ITPKC: variants seen among roughly 807,000 people sequenced by gnomAD.
The protein encoded by ITPKC is inositol-trisphosphate 3-kinase C.
ITPKC carries 33 observed loss-of-function variants against 67.1 expected under a neutral mutation model. That is an observed-to-expected ratio of 0.49 (90% CI 0.37 to 0.66). The LOEUF is 0.66. Among genes scored for constraint, ITPKC ranks in the 30% least tolerant of loss-of-function variants. The pLI is 0.00. For synonymous variants in ITPKC, 341 were observed against 359.8 expected, an observed-to-expected ratio of 0.95 and a Z score of 0.59; for missense variants, 820 against 892.1, an observed-to-expected ratio of 0.92 and a Z score of 1.03.
chr19:40,737,783 C>T lies in ITPKC; in HGVS notation c.1848+14C>T, dbSNP rs2082301549. ...AAGACCCACGAGGTGCGAGCCCTGG[C>T]TTCCATGGGTGGATGTATGGGTGTC... is the stretch of plus-strand genomic sequence containing the variant. On this transcript the variant is annotated intron_variant, in intron 6 of 6. Coordinates refer to ENST00000263370, the MANE Select transcript of ITPKC (RefSeq NM_025194.3). 3 of 1,610,462 alleles carry T rather than the reference C, an allele frequency of 1.9e-6. No individual in the cohort carries two copies. The highest frequency in any genetic ancestry group is 1.3e-5 in the African/African-American group (1 of 74,976).
intron 1 of ITPKC, among the ~76,000 whole-genome samples, chr19:40,724,220 A>ATCTT (rs2082235541): frequency 6.6e-6 from 1 of 152,124 alleles, no homozygotes; most frequent in Non-Finnish European, 1.5e-5. Context: ...CAGCCTGGGC[A>ATCTT]ACATAGCAAG....
rs2082320601 is a variant in ITPKC, at chr19:40,740,438, G to T, written c.*878G>T. Reference sequence around the variant, plus strand: ...AAAGTGGGCCTCCCCTTGCAACTCAGAGCTGCTGCACTCAGGAGGGCCCCA... The same window carrying T: ...AAAGTGGGCCTCCCCTTGCAACTCATAGCTGCTGCACTCAGGAGGGCCCCA... On this transcript the variant is annotated 3_prime_UTR_variant, in exon 7 of 7. Coordinates refer to ENST00000263370, the MANE Select transcript of ITPKC (RefSeq NM_025194.3). 5.2e-6 allele frequency: 1 copy of T among 191,920 alleles called. No homozygotes were observed. The highest frequency in any genetic ancestry group is 1.1e-5 in the Non-Finnish European group (1 of 93,150). 11.9% of individuals were successfully genotyped at this position (191,920 alleles called of 1,614,324 possible). A position where few individuals can be genotyped will look rare whatever the true frequency, so the allele number is the denominator to read the frequency against.
In ITPKC at chr19:40,718,089, C is replaced by T; in HGVS notation, c.954C>T (p.His318=). The T allele has an allele frequency of 6.2e-7, 1 of 1,613,878 alleles. No individual in the cohort carries two copies. The highest frequency in any genetic ancestry group is 8.5e-7 in the Non-Finnish European group (1 of 1,180,008). ...AATTGCTGACTCACCTGTACTCTCA[C>T]CTGAAGTGTAGCCCCCTGTGCCCTG... is the stretch of plus-strand genomic sequence containing the variant. The part of the protein sequence containing the change: ...PGELLTHLYS[H]LKCSPLCPVP... The change falls in exon 1 of 7, where the codon CAC becomes CAT. Residue 318 remains histidine (H), a synonymous_variant. Transcript: ENST00000263370.
rs182924891 is a variant in ITPKC, at chr19:40,722,953, T to A, written c.1156-2387T>A. Among the ~76,000 whole-genome samples, 658 of 151,382 alleles carry A rather than the reference T, an allele frequency of 4.3e-3. 5 individuals carry two copies. Among genetic ancestry groups the A allele is most frequent in the African/African-American group, 0.015 (605 of 41,248 alleles). On this transcript the variant is annotated intron_variant, in intron 1 of 6. Coordinates refer to ENST00000263370, the MANE Select transcript of ITPKC (RefSeq NM_025194.3). Reference sequence around the variant, plus strand: ...CACCACGCCTAGCTGATTCTTAATTTTTTATTTATTTATTTATTTATTTTT... The same window carrying A: ...CACCACGCCTAGCTGATTCTTAATTATTTATTTATTTATTTATTTATTTTT...
Position 40,733,140 on chromosome 19 carries a change from C to A in ITPKC, c.1470-20C>A. 2 of 1,609,588 alleles carry A rather than the reference C, an allele frequency of 1.2e-6. No individual in the cohort carries two copies. The highest frequency in any genetic ancestry group is 2.2e-5 in the South Asian group (2 of 90,894). ...GTTTGTTCTACATAATTTCCTTTGT[C>A]ACATCCTCTGTGTGCTCAGGACCTA... On this transcript the variant is annotated intron_variant, in intron 3 of 6. Coordinates refer to ENST00000263370, the MANE Select transcript of ITPKC (RefSeq NM_025194.3).
intron 6 of ITPKC, among the ~76,000 whole-genome samples, chr19:40,738,584 C>T (rs955642227): frequency 6.6e-6 from 1 of 152,070 alleles, no homozygotes; most frequent in African/African-American, 2.4e-5. Flanking sequence ...TGGTGGTGCA[C>T]ACCTGTAGTC....
In ITPKC at chr19:40,733,182, G is replaced by A. The variant is rs781200329; in HGVS notation, c.1492G>A (p.Val498Met). 21 of 1,614,242 alleles carry A rather than the reference G, an allele frequency of 1.3e-5. No homozygotes were observed. The highest frequency in any genetic ancestry group is 1.8e-5 in the Non-Finnish European group (21 of 1,180,038). ...CAGGACCTATCTGGAAGAGGAGCTA[G>A]TGAAGGCACGGGAACGTCCCCGTCC... is the stretch of plus-strand genomic sequence containing the variant. ...GSRTYLEEEL[V>M]KARERPRPRK... Residue 498 changes from valine (V) to methionine (M), a missense_variant, in exon 4 of 7, where the codon GTG (valine) becomes ATG (methionine). Val to Met is a conservative substitution (Grantham distance 21). This residue lies in a region of ITPKC where 339 missense variants were observed against 422.0 expected (regional missense o/e 0.80). Transcript: ENST00000263370.
At chr19:40,727,259 G>A (rs551956538) in intron 2 of ITPKC, among the ~76,000 whole-genome samples, 10 of 151,992 alleles carry the variant, frequency 6.6e-5, no homozygotes, top group Admixed American at 2.6e-4. Context: ...GCGTGAACCC[G>A]GGAGGCGGAG....
In ITPKC at chr19:40,733,295, C is replaced by T; in HGVS notation, c.1605C>T (p.Pro535=). 2 of 1,614,000 alleles carry T rather than the reference C, an allele frequency of 1.2e-6. No individual in the cohort carries two copies. The highest frequency in any genetic ancestry group is 1.1e-5 in the South Asian group (1 of 91,062). ...EEHAQGAVTK[P]RYMQWRETMS... is the part of the protein sequence containing the mutation. Reference sequence around the variant, plus strand: ...ATGCCCAGGGTGCAGTCACCAAGCCCCGCTACATGCAGTGGAGGGAAACCA... The same window carrying T: ...ATGCCCAGGGTGCAGTCACCAAGCCTCGCTACATGCAGTGGAGGGAAACCA... Residue 535 remains proline (P), a synonymous_variant, in exon 4 of 7, where the codon CCC becomes CCT. Coordinates refer to ENST00000263370, the MANE Select transcript of ITPKC (RefSeq NM_025194.3).
At position 40,717,152 on chromosome 19, in the gene ITPKC, G is replaced by A. The variant is rs1369523420; in HGVS notation, c.17G>A (p.Cys6Tyr). Residue 6 changes from cysteine to tyrosine, a missense_variant, in exon 1 of 7, where the codon TGC becomes TAC. Physicochemically the swap from Cys to Tyr is radical, Grantham distance 194. Around this residue, in one of 2 missense-constraint regions of ITPKC, gnomAD observed 481 missense variants for 470.1 expected, o/e 1.02. Transcript: ENST00000263370. Reference sequence around the variant, plus strand: ...GGAGCGGGCATGAGGCGCTGCCCGTGCCGTGGGAGCCTGAACGAGGCGGAG... The same window carrying A: ...GGAGCGGGCATGAGGCGCTGCCCGTACCGTGGGAGCCTGAACGAGGCGGAG... MRRCP[C>Y]RGSLNEAEAG... is the part of the protein sequence containing the mutation. The A allele has an allele frequency of 2.4e-6, 3 of 1,227,138 alleles. No individual in the cohort carries two copies. Among genetic ancestry groups the A allele is most frequent in the Non-Finnish European group, 3.0e-6 (3 of 985,146 alleles). The allele number at this position is 1,227,138 out of a possible 1,614,324, so 76.0% of individuals were successfully genotyped here.
chr19:40,719,779 C>G (rs2082212736), intron 1 of ITPKC, among the ~76,000 whole-genome samples: 1 of 152,150 alleles, frequency 6.6e-6, no homozygotes, highest in African/African-American at 2.4e-5. Context: ...GCATGAGCCA[C>G]TGCACCCGGC....
Position 40,733,226 on chromosome 19 carries a change from G to C in ITPKC, c.1536G>C (p.Glu512Asp). The C allele has an allele frequency of 6.2e-7, 1 of 1,614,256 alleles. No homozygotes were observed. ...ERPRPRKDMY[E>D]KMVAVDPGAP... ...CCCGTCCCCGGAAGGACATGTATGA[G>C]AAGATGGTGGCTGTGGACCCTGGGG... Residue 512 changes from glutamate (E) to aspartate (D), a missense_variant, in exon 4 of 7, where the codon GAG becomes GAC. This residue lies in a region of ITPKC where 339 missense variants were observed against 422.0 expected (regional missense o/e 0.80). Transcript: ENST00000263370.
rs773845156 is a variant in ITPKC, at chr19:40,739,381, G to C, written c.1873G>C (p.Val625Leu). The change falls in exon 7 of 7, where the codon GTG becomes CTG. Residue 625 changes from valine to leucine, a missense_variant. Val to Leu is a conservative substitution (Grantham distance 32). Coordinates refer to ENST00000263370, the MANE Select transcript of ITPKC (RefSeq NM_025194.3). ...GGTGGTAGGCAGCTCCCTCCTCTTC[G>C]TGCACGACCACACCGGCCTGGCCAA... is the stretch of plus-strand genomic sequence containing the variant. ...HEVVGSSLLF[V>L]HDHTGLAKVW... The C allele has an allele frequency of 5.0e-6, 8 of 1,613,724 alleles. No individual in the cohort carries two copies. In the Admixed American group the frequency reaches 1.3e-4, roughly 27 times the overall value.
At chr19:40,735,646 A>G (rs1467986672) in intron 4 of ITPKC, among the ~76,000 whole-genome samples, 3 of 151,556 alleles carry the variant, frequency 2.0e-5, no homozygotes, top group Non-Finnish European at 2.9e-5. Context: ...AGCTCCTTAT[A>G]CTCTTTCATT....
chr19:40,725,205 T>C (rs1396952065), intron 1 of ITPKC, 135 bp from the exon 2 acceptor site: 9 of 646,606 alleles, frequency 1.4e-5, no homozygotes, highest in Non-Finnish European at 2.5e-5. Flanking sequence ...CCAACAAGCC[T>C]GGGAACAGTG....
rs753273956 is a variant in ITPKC, at chr19:40,737,685, C to A, written c.1777-13C>A. 1 of 1,613,612 alleles carries A rather than the reference C, an allele frequency of 6.2e-7. No individual in the cohort carries two copies. The highest frequency in any genetic ancestry group is 8.5e-7 in the Non-Finnish European group (1 of 1,179,566). On this transcript the variant is annotated splice_polypyrimidine_tract_variant and intron_variant, in intron 5 of 6. Coordinates refer to ENST00000263370, the MANE Select transcript of ITPKC (RefSeq NM_025194.3). ...GTCCCCATGCTAACCAAAGAACGCT[C>A]CCTGTCACACAGCAAAAGTACGTGG...
intron 1 of ITPKC, among the ~76,000 whole-genome samples, chr19:40,722,529 C>T (rs950014637): frequency 5.9e-5 from 9 of 151,938 alleles, no homozygotes; most frequent in Admixed American, 3.9e-4. Flanking sequence ...TCTGAGGGGG[C>T]GGGAGAGATG....
At chr19:40,725,290 C>T in intron 1 of ITPKC, 50 bp from the exon 2 acceptor site, 1 of 1,257,290 alleles carries the variant, frequency 8.0e-7, no homozygotes, top group South Asian at 1.2e-5. Flanking sequence ...CCTCTAGCCC[C>T]TGCCTTCCCT....
intron 1 of ITPKC, among the ~76,000 whole-genome samples, chr19:40,718,784 A>C (rs1279517927): frequency 1.3e-5 from 2 of 151,956 alleles, no homozygotes; most frequent in Non-Finnish European, 2.9e-5. Context: ...TTGTATGTAC[A>C]TTTTTCTAGG....
Sources: allele counts gnomAD v4.1 joint callset (sites outside exome capture counted in the v4.1 genomes callset), GRCh38; gene constraint gnomAD v4.1.1; regional missense constraint gnomAD v4.1.1; transcripts MANE v1.5; gene names NCBI Gene and HGNC (gene_info 2026-07-23, HGNC 2026-07-21).